The following RIMKLB variants were observed in gnomAD, a reference collection of about 807,000 sequenced individuals.
The protein encoded by RIMKLB is ribosomal modification protein rimK like family member B, also known as beta-citrylglutamate synthase B.
Under a neutral mutation model 32.0 loss-of-function variants are expected in RIMKLB, and 7 were observed. The observed-to-expected ratio is 0.22, with a 90% CI of 0.12 to 0.41. The LOEUF (loss-of-function observed/expected upper bound fraction) is 0.41, where lower values mean the gene tolerates loss of function less well. Ranked by LOEUF, RIMKLB falls within the 10% of genes least tolerant of loss-of-function variation. The pLI is 1.00. For missense variants in RIMKLB, 289 were observed against 498.7 expected, an observed-to-expected ratio of 0.58 and a Z score of 4.00; for synonymous variants, 172 against 185.1, an observed-to-expected ratio of 0.93 and a Z score of 0.57.
chr12:8,744,918 C>T (rs970146561), intron 2 of RIMKLB, among the ~76,000 whole-genome samples: 6 of 151,770 alleles, frequency 4.0e-5, no homozygotes, highest in South Asian at 4.1e-4. Flanking sequence ...CATAGGTATA[C>T]GTGTGCCATG....
At chr12:8,758,498 G>T (rs1048697658) in intron 5 of RIMKLB, among the ~76,000 whole-genome samples, 2 of 151,990 alleles carry the variant, frequency 1.3e-5, no homozygotes, top group East Asian at 3.9e-4. Context: ...CCAGTCTGTG[G>T]TATTTCTTCT....
At chr12:8,743,094 C>T (rs1039803747) in intron 2 of RIMKLB, 1 of 152,430 alleles carries the variant, frequency 6.6e-6, no homozygotes, top group African/African-American at 2.4e-5. Context: ...TGGCTCAGGC[C>T]TGGAATCCCA....
intron 1 of RIMKLB, among the ~76,000 whole-genome samples, chr12:8,710,752 C>T (rs921488248): frequency 6.6e-6 from 1 of 152,110 alleles, no homozygotes; most frequent in African/African-American, 2.4e-5. Context: ...TTCCCAATTG[C>T]TAGTGACTAT....
chr12:8,774,996 C>T lies in RIMKLB; in HGVS notation c.*1212C>T. ...AAACAGAGTTTTTGACTTTAAAAAA[C>T]AGATGAGTTGTTTTCATAAGTAGAC... On this transcript the variant is annotated 3_prime_UTR_variant, in exon 6 of 6. Transcript: ENST00000535829. The T allele has an allele frequency of 1.0e-6, 1 of 985,662 alleles. No individual in the cohort carries two copies. The highest frequency in any genetic ancestry group is 1.2e-6 in the Non-Finnish European group (1 of 829,810). 61.1% of individuals were successfully genotyped at this position (985,662 alleles called of 1,614,324 possible).
chr12:8,720,898 G>A (rs1278096780), intron 2 of RIMKLB, among the ~76,000 whole-genome samples: 2 of 152,156 alleles, frequency 1.3e-5, no homozygotes, highest in Non-Finnish European at 2.9e-5. Flanking sequence ...TAGACACAAA[G>A]TGAGACCCCT....
chr12:8,740,328 T>C (rs1271669455), intron 2 of RIMKLB, among the ~76,000 whole-genome samples: 2 of 152,222 alleles, frequency 1.3e-5, no homozygotes, highest in East Asian at 3.9e-4. Flanking sequence ...CGATGGTCAT[T>C]ATAGACTTAT....
In RIMKLB at chr12:8,773,957, C is replaced by T; in HGVS notation, c.*173C>T. ...TGAGACCTCTGCTAGTAAGATGTTA[C>T]TTTCATTTACAAATCCTACAAATAG... On this transcript the variant is annotated 3_prime_UTR_variant, in exon 6 of 6. Coordinates refer to ENST00000535829, the MANE Select transcript of RIMKLB (RefSeq NM_001297776.2). 1 of 1,402,888 alleles carries T rather than the reference C, an allele frequency of 7.1e-7. No homozygotes were observed. 86.9% of individuals were successfully genotyped at this position (1,402,888 alleles called of 1,614,324 possible).
intron 2 of RIMKLB, among the ~76,000 whole-genome samples, chr12:8,718,966 C>T (rs944145723): frequency 2.0e-5 from 3 of 152,108 alleles, no homozygotes; most frequent in African/African-American, 7.2e-5. Flanking sequence ...CATGTATCCA[C>T]CACTGTGGTA....
At chr12:8,703,921 T>C (rs1443597994) in intron 1 of RIMKLB, among the ~76,000 whole-genome samples, 1 of 152,238 alleles carries the variant, frequency 6.6e-6, no homozygotes, top group Admixed American at 6.5e-5. Flanking sequence ...TTAGCTTTGA[T>C]GGTTCTGATT....
intron 1 of RIMKLB, among the ~76,000 whole-genome samples, chr12:8,708,373 C>G (rs1330794045): frequency 6.6e-6 from 1 of 152,098 alleles, no homozygotes; most frequent in Non-Finnish European, 1.5e-5. Context: ...AGAGAAATGA[C>G]TTTCATTTTA....
In RIMKLB at chr12:8,775,285, C is replaced by G; in HGVS notation, c.*1501C>G. 1 of 985,414 alleles carries G rather than the reference C, an allele frequency of 1.0e-6. No individual in the cohort carries two copies. The highest frequency in any genetic ancestry group is 1.2e-6 in the Non-Finnish European group (1 of 829,844). 61.0% of individuals were successfully genotyped at this position (985,414 alleles called of 1,614,324 possible). A position where few individuals can be genotyped will look rare whatever the true frequency, so the allele number is the denominator to read the frequency against. The stretch of plus-strand genomic sequence containing the variant: ...GTATTGAGTCTCTTATAGCCCTACT[C>G]TTAAGCCTTCAATACTGTCCACTCT... On this transcript the variant is annotated 3_prime_UTR_variant, in exon 6 of 6. Coordinates refer to ENST00000535829, the MANE Select transcript of RIMKLB (RefSeq NM_001297776.2).
At position 8,776,820 on chromosome 12, in the gene RIMKLB, GCA is replaced by G; in HGVS notation, c.*3039_*3040del. 1.0e-6 allele frequency: 1 copy of G among 985,690 alleles called. No homozygotes were observed. The highest frequency in any genetic ancestry group is 1.2e-6 in the Non-Finnish European group (1 of 829,876). The allele number at this position is 985,690 out of a possible 1,614,324, so 61.1% of individuals were successfully genotyped here. A position where few individuals can be genotyped will look rare whatever the true frequency, so the allele number is the denominator to read the frequency against. On this transcript the variant is annotated 3_prime_UTR_variant, in exon 6 of 6. Coordinates refer to ENST00000535829, the MANE Select transcript of RIMKLB (RefSeq NM_001297776.2). ...CAACAAGAGACTTGGCATTCATCAAGCACATTATCAGACTTTGAGAACATATT... is the reference window on the plus strand; with the variant it reads ...CAACAAGAGACTTGGCATTCATCAAGCATTATCAGACTTTGAGAACATATT...
intron 7 of RIMKLB, among the ~76,000 whole-genome samples, chr12:8,782,539 A>C (rs576511753): frequency 1.4e-4 from 22 of 152,050 alleles, no homozygotes; most frequent in Non-Finnish European, 3.1e-4. Context: ...GGACCTATAA[A>C]TTGAACTTGC....
chr12:8,687,305 C>A (rs1244348143), intron 1 of RIMKLB, among the ~76,000 whole-genome samples: 2 of 152,262 alleles, frequency 1.3e-5, no homozygotes, highest in Non-Finnish European at 2.9e-5. Flanking sequence ...TCCCTTGTGG[C>A]AGATATTTGT....
Position 8,774,423 on chromosome 12 carries a change from T to C in RIMKLB, c.*639T>C. On this transcript the variant is annotated 3_prime_UTR_variant, in exon 6 of 6. Coordinates refer to ENST00000535829, the MANE Select transcript of RIMKLB (RefSeq NM_001297776.2). ...TGACAAAATTGGCATGTTTGCATGA[T>C]GAAATGGAAATGAACAGTATTGCAA... The C allele has an allele frequency of 1.0e-6, 1 of 985,752 alleles. No homozygotes were observed. Among genetic ancestry groups the C allele is most frequent in the Non-Finnish European group, 1.2e-6 (1 of 829,844 alleles). 61.1% of individuals were successfully genotyped at this position (985,752 alleles called of 1,614,324 possible).
At chr12:8,761,834 G>A (rs1949548760) in intron 5 of RIMKLB, among the ~76,000 whole-genome samples, 1 of 152,124 alleles carries the variant, frequency 6.6e-6, no homozygotes, top group Non-Finnish European at 1.5e-5. Flanking sequence ...GGGTATAGTA[G>A]GGGTCGTGCA....
chr12:8,700,301 A>G (rs982632071), intron 1 of RIMKLB: 12 of 152,170 alleles, frequency 7.9e-5, no homozygotes, highest in African/African-American at 2.7e-4. Context: ...CTCTTTTAAA[A>G]TATCTCCCAA....
At chr12:8,750,794 G>A (rs1027609794) in intron 3 of RIMKLB, among the ~76,000 whole-genome samples, 7 of 152,110 alleles carry the variant, frequency 4.6e-5, no homozygotes, top group African/African-American at 1.7e-4. Context: ...TAGGTTACAG[G>A]ACCACATTCT....
At chr12:8,676,777 G>T (rs770046195), upstream of RIMKLB, among the ~76,000 whole-genome samples, 1 of 152,128 alleles carries the variant, frequency 6.6e-6, no homozygotes, top group East Asian at 1.9e-4. Flanking sequence ...GCACATCATT[G>T]TTTGAACATC....
Sources: gnomAD v4.1 joint callset for allele counts (sites outside exome capture counted in the v4.1 genomes callset) on GRCh38, gnomAD v4.1.1 for gene constraint, MANE v1.5 for transcripts, NCBI Gene and HGNC (gene_info 2026-07-23, HGNC 2026-07-21) for gene names.